AGBL4: variants seen among roughly 807,000 people sequenced by gnomAD.
AGBL4 encodes AGBL carboxypeptidase 4.
Under a neutral mutation model 66.4 loss-of-function variants are expected in AGBL4, and 58 were observed. The ratio of observed to expected loss-of-function variants is 0.87; its 90% CI spans 0.71 to 1.09. AGBL4 has a LOEUF of 1.09. AGBL4 is among the 50% of genes least tolerant of loss of function. The pLI is 0.00. For missense variants in AGBL4, 579 were observed against 631.0 expected (o/e 0.92, Z 0.88); for synonymous variants, 234 against 222.9 (o/e 1.05, Z -0.44).
At chr1:48,644,057 T>C (rs1364730438) in intron 8 of AGBL4, among the ~76,000 whole-genome samples, 1 of 152,178 alleles carries the variant, frequency 6.6e-6, no homozygotes, top group Non-Finnish European at 1.5e-5. Flanking sequence ...TATCTCCTTC[T>C]ACATTGCAGG....
At chr1:49,135,150 G>A (rs1274301496) in intron 4 of AGBL4, among the ~76,000 whole-genome samples, 1 of 151,986 alleles carries the variant, frequency 6.6e-6, no homozygotes, top group Non-Finnish European at 1.5e-5. Context: ...CAGGCAGTCA[G>A]ACCTAATGGT....
chr1:49,305,837 AG>A (rs1557824841), intron 3 of AGBL4, among the ~76,000 whole-genome samples: 2 of 151,974 alleles, frequency 1.3e-5, no homozygotes, highest in Non-Finnish European at 2.9e-5. Flanking sequence ...ATTACAGGCA[AG>A]TGCCACCACG....
chr1:49,832,819 C>A (rs993307262), intron 2 of AGBL4, among the ~76,000 whole-genome samples: 5 of 152,002 alleles, frequency 3.3e-5, no homozygotes, highest in African/African-American at 4.8e-5. Context: ...CTGTTCATGT[C>A]CTTTGCCCAC....
intron 1 of AGBL4, among the ~76,000 whole-genome samples, chr1:49,946,324 A>C (rs2148303287): frequency 6.6e-6 from 1 of 152,178 alleles, no homozygotes; most frequent in East Asian, 1.9e-4. Context: ...AACAAGCCTC[A>C]ATAAATTTAT....
At chr1:49,259,075 G>C (rs1360825634) in intron 3 of AGBL4, among the ~76,000 whole-genome samples, 1 of 152,128 alleles carries the variant, frequency 6.6e-6, no homozygotes, top group African/African-American at 2.4e-5. Flanking sequence ...AAGTGAAGGA[G>C]AAATAAAATA....
At chr1:49,941,785 C>G (rs1337848846) in intron 1 of AGBL4, among the ~76,000 whole-genome samples, 1 of 151,934 alleles carries the variant, frequency 6.6e-6, no homozygotes, top group Non-Finnish European at 1.5e-5. Context: ...CCATACTCAA[C>G]AGAGAAAAAT....
intron 3 of AGBL4, among the ~76,000 whole-genome samples, chr1:49,603,280 A>G (rs901465962): frequency 6.6e-6 from 1 of 152,192 alleles, no homozygotes; most frequent in Admixed American, 6.6e-5. Context: ...TCTGGTCTCT[A>G]TAAACTAAGA....
At chr1:49,828,335 A>G (rs1300487340) in intron 2 of AGBL4, among the ~76,000 whole-genome samples, 3 of 152,220 alleles carry the variant, frequency 2.0e-5, no homozygotes, top group African/African-American at 4.8e-5. Flanking sequence ...AAATGCTATA[A>G]AAGAGAAACT....
At chr1:48,725,767 C>T (rs571057449) in intron 6 of AGBL4, among the ~76,000 whole-genome samples, 1 of 152,238 alleles carries the variant, frequency 6.6e-6, no homozygotes, top group South Asian at 2.1e-4. Flanking sequence ...GATGGTCTTG[C>T]CCTCATATTA....
intron 6 of AGBL4, among the ~76,000 whole-genome samples, chr1:48,692,751 G>T (rs1347786242): frequency 6.6e-6 from 1 of 152,118 alleles, no homozygotes; most frequent in Non-Finnish European, 1.5e-5. Context: ...TCAGTTGTAG[G>T]CTAGTGACCA....
chr1:48,882,136 C>A (rs1006826602), intron 5 of AGBL4, among the ~76,000 whole-genome samples: 1 of 152,134 alleles, frequency 6.6e-6, no homozygotes, highest in Non-Finnish European at 1.5e-5. Context: ...TCTTTATAGT[C>A]TCAGGTAGTC....
At chr1:49,656,101 C>T (rs1185422583) in intron 3 of AGBL4, among the ~76,000 whole-genome samples, 6 of 151,364 alleles carry the variant, frequency 4.0e-5, no homozygotes, top group East Asian at 3.9e-4. Context: ...GAGCCAAGAT[C>T]GTGCCACTGC....
At chr1:48,535,061 A>G in intron 12 of AGBL4, 145 bp from the exon 13 acceptor site, 1 of 805,468 alleles carries the variant, frequency 1.2e-6, no homozygotes, top group Non-Finnish European at 2.0e-6. Context: ...TTTATGGGGA[A>G]AAAGAAGAGG....
At chr1:49,650,749 T>A (rs1258156597) in intron 3 of AGBL4, among the ~76,000 whole-genome samples, 1 of 152,122 alleles carries the variant, frequency 6.6e-6, no homozygotes, top group Non-Finnish European at 1.5e-5. Context: ...CTCACCTAAG[T>A]GCACCTTGAT....
At chr1:49,502,544 T>C (rs1343173348) in intron 3 of AGBL4, among the ~76,000 whole-genome samples, 1 of 152,018 alleles carries the variant, frequency 6.6e-6, no homozygotes, top group African/African-American at 2.4e-5. Flanking sequence ...TGAAACTTCC[T>C]AGAGACTTGG....
chr1:49,113,523 G>A (rs1196726349), intron 4 of AGBL4, among the ~76,000 whole-genome samples: 1 of 152,162 alleles, frequency 6.6e-6, no homozygotes. Flanking sequence ...AAAGAGCTGG[G>A]CTTACAGCCA....
At chr1:48,795,118 T>C (rs1350920056) in intron 6 of AGBL4, among the ~76,000 whole-genome samples, 1 of 152,180 alleles carries the variant, frequency 6.6e-6, no homozygotes, top group Non-Finnish European at 1.5e-5. Context: ...TATATCCTAG[T>C]TCAATTTTTA....
At chr1:49,982,356 T>A (rs929711304) in intron 1 of AGBL4, among the ~76,000 whole-genome samples, 20 of 152,334 alleles carry the variant, frequency 1.3e-4, no homozygotes, top group Middle Eastern at 3.4e-3. Context: ...TGTGCACAGC[T>A]GGGTATGTGC....
intron 5 of AGBL4, among the ~76,000 whole-genome samples, chr1:49,036,715 G>A (rs1310368113): frequency 2.1e-5 from 3 of 142,136 alleles, no homozygotes; most frequent in Admixed American, 7.5e-5. Flanking sequence ...ACACCACCAT[G>A]CTCAGCTAAT....
Sources: allele counts gnomAD v4.1 joint callset (sites outside exome capture counted in the v4.1 genomes callset), GRCh38; gene constraint gnomAD v4.1.1; transcripts MANE v1.5; gene names NCBI Gene and HGNC (gene_info 2026-07-23, HGNC 2026-07-21).